VPS33B: variants seen among roughly 807,000 people sequenced by gnomAD.
VPS33B encodes VPS33B late endosome and lysosome associated, also known as vacuolar protein sorting-associated protein 33B.
Under a neutral mutation model 95.3 loss-of-function variants are expected in VPS33B, and 80 were observed. That is an observed-to-expected ratio of 0.84 (90% CI 0.70 to 1.01). The LOEUF (loss-of-function observed/expected upper bound fraction) is 1.01, where lower values mean the gene tolerates loss of function less well. Among genes scored for constraint, VPS33B ranks in the 50% least tolerant of loss-of-function variants. The pLI is 0.00. For missense variants in VPS33B, 715 were observed against 773.4 expected, an observed-to-expected ratio of 0.92 and a Z score of 0.90; for synonymous variants, 280 against 280.4, an observed-to-expected ratio of 1.00 and a Z score of 0.01.
At chr15:91,004,777 T>C in intron 16 of VPS33B, 100 bp downstream of exon 16, 1 of 1,350,806 alleles carries the variant, frequency 7.4e-7, no homozygotes, top group South Asian at 1.2e-5. Flanking sequence ...AAACATTCTG[T>C]TTGCTAAGAC....
In VPS33B at chr15:91,009,883, C is replaced by T; in HGVS notation, c.358-37G>A. On this transcript the variant is annotated intron_variant, in intron 5 of 22. Coordinates refer to ENST00000333371, the MANE Select transcript of VPS33B (RefSeq NM_018668.5). This position sits in a 1 kb window ranked among gnomAD's most constrained non-coding sequence, Gnocchi z 4.1. ...AAGGAAATTGATTAGTAACTACCTT[C>T]TTCTCTGTTCTCTCCATTTCTCTGG... The T allele has an allele frequency of 6.2e-7, 1 of 1,612,076 alleles. No individual in the cohort carries two copies. The highest frequency in any genetic ancestry group is 8.5e-7 in the Non-Finnish European group (1 of 1,178,212).
At chr15:91,004,182 C>T (rs1445323739) in intron 16 of VPS33B, among the ~76,000 whole-genome samples, 1 of 150,510 alleles carries the variant, frequency 6.6e-6, no homozygotes, top group Non-Finnish European at 1.5e-5. Context: ...GAGATCGTGC[C>T]ATTGCACTCC....
In VPS33B at chr15:91,013,693, C is replaced by T; in HGVS notation, c.357+111G>A. The T allele has an allele frequency of 9.0e-7, 1 of 1,115,704 alleles. No homozygotes were observed. Among genetic ancestry groups the T allele is most frequent in the South Asian group, 1.2e-5 (1 of 80,806 alleles). The allele number at this position is 1,115,704 out of a possible 1,614,324, so 69.1% of individuals were successfully genotyped here. A position where few individuals can be genotyped will look rare whatever the true frequency, so the allele number is the denominator to read the frequency against. On this transcript the variant is annotated intron_variant, in intron 5 of 22. Transcript: ENST00000333371. This position sits in a 1 kb window ranked among gnomAD's most constrained non-coding sequence, Gnocchi z 4.5. Reference sequence around the variant, plus strand: ...TTACCTAGTCTCAGGTATTCTGTTACAGCAACAGAAAACGAACGGAGACAG... The same window carrying T: ...TTACCTAGTCTCAGGTATTCTGTTATAGCAACAGAAAACGAACGGAGACAG...
In VPS33B at chr15:90,999,493, A is replaced by G. The variant is rs1443669929; in HGVS notation, c.1774+184T>C. ...GCCACCATGCCTGGCTAATTTTTGT[A>G]TTTTTCGTAGAGATGGGGTTTCACC... On this transcript the variant is annotated intron_variant, in intron 22 of 22. Coordinates refer to ENST00000333371, the MANE Select transcript of VPS33B (RefSeq NM_018668.5). This position sits in a 1 kb window ranked among gnomAD's most constrained non-coding sequence, Gnocchi z 5.1. 2 of 705,230 alleles carry G rather than the reference A, an allele frequency of 2.8e-6. No homozygotes were observed. Among genetic ancestry groups the G allele is most frequent in the African/African-American group, 3.5e-5 (2 of 56,978 alleles). The allele number at this position is 705,230 out of a possible 1,614,324, so 43.7% of individuals were successfully genotyped here.
rs2040464580 is a variant in VPS33B at position 91,002,384 on chromosome 15, G to T, written c.1273-202C>A. ...TCATGCCTGTAATCCCAGCACTTTGGGTTTGGGAGGCCAGGGCAGGCAGAT... is the reference window on the plus strand; with the variant it reads ...TCATGCCTGTAATCCCAGCACTTTGTGTTTGGGAGGCCAGGGCAGGCAGAT... On this transcript the variant is annotated intron_variant, in intron 17 of 22. Coordinates refer to ENST00000333371, the MANE Select transcript of VPS33B (RefSeq NM_018668.5). The surrounding 1 kb of genome is among the most constrained non-coding windows in gnomAD (Gnocchi z 4.7). Among the ~76,000 whole-genome samples, 1 of 152,130 alleles carries T rather than the reference G, an allele frequency of 6.6e-6. No homozygotes were observed. Among genetic ancestry groups the T allele is most frequent in the Non-Finnish European group, 1.5e-5 (1 of 68,012 alleles).
At position 91,006,702 on chromosome 15, in the gene VPS33B, G is replaced by A. The variant is rs139829189; in HGVS notation, c.728C>T (p.Ser243Phe). 6.2e-6 allele frequency: 10 copies of A among 1,614,172 alleles called. No homozygotes were observed. The African/African-American group carries it at 1.1e-4, about 17-fold the overall frequency. ...TACTAGGCCCTCATAAACCACTTGG[G>A]AGCAAAGTGCTGTCACAAAGTCCAC... is the stretch of plus-strand genomic sequence containing the variant. ...RDVDFVTALC[S>F]QVVYEGLVDD... Residue 243 changes from serine (S) to phenylalanine (F), a missense_variant, in exon 10 of 23, where the codon TCC becomes TTC. By Grantham distance (155) the Ser-to-Phe change is radical. Transcript: ENST00000333371. The surrounding 1 kb of genome is among the most constrained non-coding windows in gnomAD (Gnocchi z 5.4).
In VPS33B at chr15:91,006,442, C is replaced by T; in HGVS notation, c.782G>A (p.Ser261Asn). The T allele has an allele frequency of 2.5e-6, 4 of 1,614,234 alleles. No individual in the cohort carries two copies. The highest frequency in any genetic ancestry group is 3.4e-6 in the Non-Finnish European group (4 of 1,180,054). Residue 261 changes from serine to asparagine, a missense_variant, in exon 11 of 23, where the codon AGT (serine) becomes AAT (asparagine). By Grantham distance (46) the Ser-to-Asn change is conservative (BLOSUM62 1). Coordinates refer to ENST00000333371, the MANE Select transcript of VPS33B (RefSeq NM_018668.5). This position sits in a 1 kb window ranked among gnomAD's most constrained non-coding sequence, Gnocchi z 5.4. The part of the protein sequence containing the change: ...VDDTFRIKCG[S>N]VDFGPEVTSS... ...TGTGACTTCTGGGCCAAAGTCGACA[C>T]TCCCTTTGAGAGCAGAGGGACAGCT...
chr15:91,001,289 A>C (rs1340696409), intron 19 of VPS33B, 100 bp downstream of exon 19: 79 of 939,012 alleles, frequency 8.4e-5, no homozygotes, highest in Non-Finnish European at 1.1e-4. Context: ...CAGCCTGGGC[A>C]ACAGAGCAAG....
Position 91,000,320 on chromosome 15 carries a change from C to G in VPS33B, c.1581+170G>C, listed in dbSNP as rs1182035254. On this transcript the variant is annotated intron_variant, in intron 20 of 22. Transcript: ENST00000333371. This position sits in a 1 kb window ranked among gnomAD's most constrained non-coding sequence, Gnocchi z 4.9. ...GCTGAGGCAGGAGAATCACTTGAAT[C>G]TGGGAGGTGGAGGTTGCAGTGAGCC... Among the ~76,000 whole-genome samples the G allele has an allele frequency of 1.3e-5, 2 of 152,072 alleles. No individual in the cohort carries two copies. Among genetic ancestry groups the G allele is most frequent in the Non-Finnish European group, 2.9e-5 (2 of 68,022 alleles).
intron 3 of VPS33B, 21 bp downstream of exon 3, chr15:91,016,942 C>G: frequency 1.2e-6 from 2 of 1,613,508 alleles, no homozygotes; most frequent in Non-Finnish European, 1.7e-6. Context: ...GGAGTAGGGA[C>G]AGACTCTCCC....
At position 91,022,350 on chromosome 15, in the gene VPS33B, G is replaced by C. The variant is rs1393855637; in HGVS notation, c.-101C>G. 8.0e-7 allele frequency: 1 copy of C among 1,242,288 alleles called. No individual in the cohort carries two copies. The allele number at this position is 1,242,288 out of a possible 1,614,324, so 77.0% of individuals were successfully genotyped here. A position where few individuals can be genotyped will look rare whatever the true frequency, so the allele number is the denominator to read the frequency against. ...CAAGGGGGGCTATCCTTCAGGCCTG[G>C]GCACCGACTTCCAGAGACCCCAGAT... On this transcript the variant is annotated 5_prime_UTR_variant, in exon 1 of 23. Transcript: ENST00000333371.
chr15:91,001,523 G>T, intron 18 of VPS33B, 61 bp from the exon 19 acceptor site: 3 of 1,364,158 alleles, frequency 2.2e-6, no homozygotes, highest in South Asian at 1.2e-5. Context: ...CACTGCCACA[G>T]ATAACACCAT....
At position 91,006,935 on chromosome 15, in the gene VPS33B, C is replaced by A; in HGVS notation, c.700+15G>T. 6.2e-7 allele frequency: 1 copy of A among 1,613,984 alleles called. No individual in the cohort carries two copies. The highest frequency in any genetic ancestry group is 8.5e-7 in the Non-Finnish European group (1 of 1,179,874). On this transcript the variant is annotated intron_variant, in intron 9 of 22. Coordinates refer to ENST00000333371, the MANE Select transcript of VPS33B (RefSeq NM_018668.5). The surrounding 1 kb of genome is among the most constrained non-coding windows in gnomAD (Gnocchi z 5.4). ...CTAGGGCTGAAAGATGACAGGAACG[C>A]TGGGCATAATTTACCTCTGTCCAAG...
In VPS33B at chr15:91,016,994, C is replaced by G; in HGVS notation, c.208G>C (p.Glu70Gln). 6 of 1,614,010 alleles carry G rather than the reference C, an allele frequency of 3.7e-6. No homozygotes were observed. Among genetic ancestry groups the G allele is most frequent in the Non-Finnish European group, 5.1e-6 (6 of 1,179,994 alleles). The change falls in exon 3 of 23, where the codon GAG becomes CAG. Residue 70 changes from glutamate (E) to glutamine (Q), a missense_variant. By Grantham distance (29) the Glu-to-Gln change is conservative (BLOSUM62 2). Transcript: ENST00000333371. ...QHEVDKLYKVENKPALSSNEQ... is the reference protein window; with the variant it reads ...QHEVDKLYKVQNKPALSSNEQ... ...TTGGAGCTGAGGGCTGGCTTGTTCT[C>G]CACCTTGTATAGCTTGTCTACTTCG...
At chr15:91,003,481 T>C (rs4522397) in intron 16 of VPS33B, among the ~76,000 whole-genome samples, 83,787 of 151,900 alleles carry the variant, frequency 0.55, 25,567 homozygotes, top group East Asian at 0.99. Context: ...GCTCTGTCAC[T>C]CAGGCTGGAG....
Position 91,000,717 on chromosome 15 carries a change from C to A in VPS33B, c.1480-126G>T. 1.2e-6 allele frequency: 1 copy of A among 813,482 alleles called. No individual in the cohort carries two copies. Among genetic ancestry groups the A allele is most frequent in the Non-Finnish European group, 2.0e-6 (1 of 499,360 alleles). The allele number at this position is 813,482 out of a possible 1,614,324, so 50.4% of individuals were successfully genotyped here. A position where few individuals can be genotyped will look rare whatever the true frequency, so the allele number is the denominator to read the frequency against. ...CAACTAAAGGGAGAACCAGCAATAGCCCTGAAAAGAGAATCCATAACGGAA... is the reference window on the plus strand; with the variant it reads ...CAACTAAAGGGAGAACCAGCAATAGACCTGAAAAGAGAATCCATAACGGAA... On this transcript the variant is annotated intron_variant, in intron 19 of 22. Transcript: ENST00000333371. This position sits in a 1 kb window ranked among gnomAD's most constrained non-coding sequence, Gnocchi z 4.9.
intron 4 of VPS33B, 77 bp downstream of exon 4, chr15:91,014,307 G>C (rs2040862741): frequency 7.1e-7 from 1 of 1,414,540 alleles, no homozygotes; most frequent in African/African-American, 1.4e-5. Context: ...TTTCTTATTA[G>C]AGGGTCCTTA....
chr15:91,007,297 T>C lies in VPS33B; in HGVS notation c.603+172A>G, dbSNP rs1382991840. Among the ~76,000 whole-genome samples the C allele has an allele frequency of 1.3e-5, 2 of 152,244 alleles. No homozygotes were observed. Among genetic ancestry groups the C allele is most frequent in the Non-Finnish European group, 2.9e-5 (2 of 68,040 alleles). Reference sequence around the variant, plus strand: ...GGAATGCTACCCAGGAGATCCTGGCTTTTGCTTCTCTGTTAGCCACACAAG... The same window carrying C: ...GGAATGCTACCCAGGAGATCCTGGCCTTTGCTTCTCTGTTAGCCACACAAG... On this transcript the variant is annotated intron_variant, in intron 8 of 22. Coordinates refer to ENST00000333371, the MANE Select transcript of VPS33B (RefSeq NM_018668.5). This position sits in a 1 kb window ranked among gnomAD's most constrained non-coding sequence, Gnocchi z 5.3.
At position 91,002,450 on chromosome 15, in the gene VPS33B, G is replaced by A. The variant is rs983731466; in HGVS notation, c.1273-268C>T. The stretch of plus-strand genomic sequence containing the variant: ...GTTTGAGACCAGCCTGGCCAACATG[G>A]TGAAACCCCATCTCTACTAAAAATA... On this transcript the variant is annotated intron_variant, in intron 17 of 22. Coordinates refer to ENST00000333371, the MANE Select transcript of VPS33B (RefSeq NM_018668.5). The surrounding 1 kb of genome is among the most constrained non-coding windows in gnomAD (Gnocchi z 4.7). 6.6e-6 allele frequency among the ~76,000 whole-genome samples: 1 copy of A among 151,982 alleles called. No homozygotes were observed. The highest frequency in any genetic ancestry group is 1.5e-5 in the Non-Finnish European group (1 of 67,980).
Sources: allele counts gnomAD v4.1 joint callset (sites outside exome capture counted in the v4.1 genomes callset), GRCh38; gene constraint gnomAD v4.1.1; non-coding constraint Gnocchi (gnomAD v3.1); transcripts MANE v1.5; gene names NCBI Gene and HGNC (gene_info 2026-07-23, HGNC 2026-07-21).